TF: variants seen among roughly 807,000 people sequenced by gnomAD.
The protein encoded by TF is transferrin, also known as serotransferrin.
A neutral mutation model predicts 82.4 loss-of-function variants in TF; 55 were observed. That is an observed-to-expected ratio of 0.67 (90% CI 0.54 to 0.84). TF has a LOEUF of 0.84. TF is among the 40% of genes least tolerant of loss of function. TF has a pLI of 0.00. For missense variants in TF, 737 were observed against 868.4 expected (o/e 0.85, Z 1.90); for synonymous variants, 332 against 332.6 (o/e 1.00, Z 0.02).
chr3:133,727,669 T>G, the TF span, among the ~76,000 whole-genome samples: 1 of 113,908 alleles, frequency 8.8e-6, no homozygotes, highest in Non-Finnish European at 1.8e-5. Flanking sequence ...AAAGTTAATA[T>G]TGTTATGTGT....
chr3:133,755,519 A>G (rs376068398), intron 5 of TF, 24 bp downstream of exon 5: 122 of 1,613,594 alleles, frequency 7.6e-5, no homozygotes, highest in Non-Finnish European at 9.5e-5. Context: ...CTGCTGCTCC[A>G]TGGTGGCCAA....
In TF at chr3:133,755,456, C is replaced by T. The variant is rs1343119317; in HGVS notation, c.596C>T (p.Ser199Phe). 2.5e-6 allele frequency: 4 copies of T among 1,614,006 alleles called. No individual in the cohort carries two copies. The highest frequency in any genetic ancestry group is 3.4e-6 in the Non-Finnish European group (4 of 1,179,982). Reference sequence around the variant, plus strand: ...CAACTGTGTCCAGGGTGTGGCTGCTCCACCCTTAACCAATACTTCGGCTAC... The same window carrying T: ...CAACTGTGTCCAGGGTGTGGCTGCTTCACCCTTAACCAATACTTCGGCTAC... ...LCQLCPGCGCSTLNQYFGYSG... is the reference protein window; with the variant it reads ...LCQLCPGCGCFTLNQYFGYSG... Residue 199 changes from serine to phenylalanine, a missense_variant, in exon 5 of 17, where the codon TCC becomes TTC. By Grantham distance (155) the Ser-to-Phe change is radical (BLOSUM62 -2). Transcript: ENST00000402696.
the TF span, among the ~76,000 whole-genome samples, chr3:133,676,457 A>G: frequency 6.6e-6 from 1 of 152,232 alleles, no homozygotes; most frequent in Non-Finnish European, 1.5e-5. Flanking sequence ...GAACTCATGC[A>G]TGTGAAGAGC....
chr3:133,755,101 T>G (rs4854759), intron 4 of TF, among the ~76,000 whole-genome samples: 12,966 of 152,268 alleles, frequency 0.085, 697 homozygotes, highest in Non-Finnish European at 0.11. Context: ...AGGGAGAAGG[T>G]GCTCTGAGAA....
the TF span, chr3:133,699,903 A>C: frequency 5.1e-6 from 1 of 195,042 alleles, no homozygotes; most frequent in Non-Finnish European, 1.1e-5. Context: ...CATTCTAAAC[A>C]GGTCCTCAGG....
chr3:133,749,913 T>C (rs1313395316), intron 2 of TF, among the ~76,000 whole-genome samples: 2 of 152,104 alleles, frequency 1.3e-5, no homozygotes, highest in East Asian at 3.9e-4. Flanking sequence ...GTCAGAGAAG[T>C]AAAAAGGTAG....
At chr3:133,683,449 A>C in the TF span, among the ~76,000 whole-genome samples, 1 of 152,198 alleles carries the variant, frequency 6.6e-6, no homozygotes, top group Admixed American at 6.5e-5. Context: ...CTGTATTCAG[A>C]AGACCCATCT....
chr3:133,759,396 G>A lies in TF; in HGVS notation c.1203+67G>A, dbSNP rs1933927183. 8 of 1,592,484 alleles carry A rather than the reference G, an allele frequency of 5.0e-6. No homozygotes were observed. In the South Asian group the frequency reaches 5.5e-5, roughly 11 times the overall value. On this transcript the variant is annotated intron_variant, in intron 9 of 16. Coordinates refer to ENST00000402696, the MANE Select transcript of TF (RefSeq NM_001063.4). ...GCTGCCTGCTGGCCCCCAAGACTGAGCTAGGGAGTGTTCCTGGGAATGATG... is the reference window on the plus strand; with the variant it reads ...GCTGCCTGCTGGCCCCCAAGACTGAACTAGGGAGTGTTCCTGGGAATGATG...
the TF span, among the ~76,000 whole-genome samples, chr3:133,668,716 T>C: frequency 3.3e-5 from 5 of 152,144 alleles, no homozygotes; most frequent in Non-Finnish European, 7.4e-5. Context: ...CCAGCATCTG[T>C]GTTCATTGCA....
chr3:133,789,879 G>GTTTTTTTTTTTTTTTTT lies in TF; in HGVS notation c.*11272_*11288dup, dbSNP rs56267966. 3.4e-5 allele frequency: 3 copies of GTTTTTTTTTTTTTTTTT among 88,982 alleles called. No homozygotes were observed. The highest frequency in any genetic ancestry group is 1.1e-4 in the African/African-American group (2 of 18,246). 5.5% of individuals were successfully genotyped at this position (88,982 alleles called of 1,614,324 possible). A position where few individuals can be genotyped will look rare whatever the true frequency, so the allele number is the denominator to read the frequency against. On this transcript the variant is annotated 3_prime_UTR_variant, in exon 17 of 17. Coordinates refer to ENST00000402696, the MANE Select transcript of TF (RefSeq NM_001063.4). ...GCCAAAACAAAACGATCTCGTTTGC[G>GTTTTTTTTTTTTTTTTT]TTTTTTTTTTTTTTTTTTTTTTTTT... is the stretch of plus-strand genomic sequence containing the variant.
At position 133,778,678 on chromosome 3, in the gene TF, T is replaced by C. The variant is rs2107937381; in HGVS notation, c.*58T>C. 1 of 1,596,274 alleles carries C rather than the reference T, an allele frequency of 6.3e-7. No homozygotes were observed. Among genetic ancestry groups the C allele is most frequent in the Non-Finnish European group, 8.6e-7 (1 of 1,167,060 alleles). On this transcript the variant is annotated 3_prime_UTR_variant, in exon 17 of 17. Coordinates refer to ENST00000402696, the MANE Select transcript of TF (RefSeq NM_001063.4). ...GATGGGAACGCAGATGATCCATGAG[T>C]TTGCCCTGGTTTCACTGGCCCAAGT...
At chr3:133,713,543 A>C in the TF span, among the ~76,000 whole-genome samples, 1 of 152,212 alleles carries the variant, frequency 6.6e-6, no homozygotes, top group Admixed American at 6.5e-5. Flanking sequence ...GTTTGATGAC[A>C]TGCTTCTTCA....
At chr3:133,669,378 T>G in the TF span, among the ~76,000 whole-genome samples, 2 of 152,222 alleles carry the variant, frequency 1.3e-5, no homozygotes, top group Non-Finnish European at 2.9e-5. Flanking sequence ...AAGTCTGTTT[T>G]CTGGGTCTGC....
At chr3:133,677,357 G>A in the TF span, among the ~76,000 whole-genome samples, 1 of 152,152 alleles carries the variant, frequency 6.6e-6, no homozygotes, top group Non-Finnish European at 1.5e-5. Context: ...ATCATTTATT[G>A]GCCGGGCACG....
At chr3:133,709,914 G>A in the TF span, among the ~76,000 whole-genome samples, 1 of 152,208 alleles carries the variant, frequency 6.6e-6, no homozygotes, top group Non-Finnish European at 1.5e-5. Flanking sequence ...TATTTTTGAT[G>A]TCTCACAAAT....
chr3:133,728,921 C>T, the TF span, among the ~76,000 whole-genome samples: 1 of 152,206 alleles, frequency 6.6e-6, no homozygotes, highest in Non-Finnish European at 1.5e-5. Flanking sequence ...GAGGTCCACT[C>T]CAGACCCTGT....
chr3:133,688,948 A>C, the TF span, among the ~76,000 whole-genome samples: 1 of 152,224 alleles, frequency 6.6e-6, no homozygotes, highest in South Asian at 2.1e-4. Flanking sequence ...AAATCCCAAA[A>C]TTGTTATCTC....
At chr3:133,759,475 G>A (rs1012335986) in intron 9 of TF, 146 bp downstream of exon 9, 15 of 979,436 alleles carry the variant, frequency 1.5e-5, no homozygotes, top group East Asian at 7.5e-5. Context: ...CAGCCCCACC[G>A]GAGGTTCAGA....
At chr3:133,708,613 G>T in the TF span, among the ~76,000 whole-genome samples, 1 of 151,506 alleles carries the variant, frequency 6.6e-6, no homozygotes, top group African/African-American at 2.4e-5. Flanking sequence ...TAGTATCTTG[G>T]CACCCCTTCC....
Sources: gnomAD v4.1 joint callset for allele counts (sites outside exome capture counted in the v4.1 genomes callset) on GRCh38, gnomAD v4.1.1 for gene constraint, MANE v1.5 for transcripts, NCBI Gene and HGNC (gene_info 2026-07-23, HGNC 2026-07-21) for gene names.